JCAD: variants seen among roughly 807,000 people sequenced by gnomAD.
JCAD encodes the protein junctional cadherin 5 associated, also known as junctional cadherin 5-associated protein.
JCAD carries 40 observed loss-of-function variants against 98.0 expected under a neutral mutation model. That is an observed-to-expected ratio of 0.41 (90% CI 0.32 to 0.53). The LOEUF (loss-of-function observed/expected upper bound fraction) is 0.53. Ranked by LOEUF, JCAD falls within the 20% of genes least tolerant of loss-of-function variation. The pLI is 0.31. For missense variants in JCAD, 1,705 were observed against 1,738.1 expected (o/e 0.98, Z 0.34); for synonymous variants, 691 against 682.3 (o/e 1.01, Z -0.20).
chr10:30,028,255 G>C lies in JCAD; in HGVS notation c.1893C>G (p.Asp631Glu). The C allele has an allele frequency of 6.2e-7, 1 of 1,614,220 alleles. No individual in the cohort carries two copies. Among genetic ancestry groups the C allele is most frequent in the Non-Finnish European group, 8.5e-7 (1 of 1,180,052 alleles). Reference sequence around the variant, plus strand: ...TTCCTGTGAGGGCCTGCAGCTCCAGGTCGGTGGAAGACATGCTCAGCAGAC... The same window carrying C: ...TTCCTGTGAGGGCCTGCAGCTCCAGCTCGGTGGAAGACATGCTCAGCAGAC... ...EQSLLSMSST[D>E]LELQALTGSM... The change falls in exon 3 of 4, where the codon GAC becomes GAG. Residue 631 changes from aspartate (D) to glutamate (E), a missense_variant. Physicochemically the swap from Asp to Glu is conservative, Grantham distance 45. Around this residue, in one of 3 missense-constraint regions of JCAD, gnomAD observed 1,278 missense variants for 1,243.1 expected, o/e 1.03. Transcript: ENST00000375377.
rs199686924 is a variant in JCAD, at chr10:30,026,474, C to T, written c.3674G>A (p.Ser1225Asn). 7.2e-5 allele frequency: 116 copies of T among 1,614,252 alleles called. No individual in the cohort carries two copies. In the African/African-American group the frequency reaches 1.5e-3, roughly 21 times the overall value. The stretch of plus-strand genomic sequence containing the variant: ...AAGTCTCTTTTCAGAGCCTGCCACA[C>T]TTGGGGTTCTTTCTACAAAATGGAA... ...TLFHFVERTP[S>N]VAGSEKRLRS... Residue 1225 changes from serine (S) to asparagine (N), a missense_variant, in exon 3 of 4, where the codon AGT (serine) becomes AAT (asparagine). Ser to Asn is a conservative substitution (Grantham distance 46). This residue lies in a region of JCAD where 1,278 missense variants were observed against 1,243.1 expected (regional missense o/e 1.03). Coordinates refer to ENST00000375377, the MANE Select transcript of JCAD (RefSeq NM_020848.4).
intron 1 of JCAD, among the ~76,000 whole-genome samples, chr10:30,072,026 T>C (rs1217729667): frequency 6.6e-6 from 1 of 152,182 alleles, no homozygotes; most frequent in African/African-American, 2.4e-5. Context: ...GAACACTTTA[T>C]GGTATTTCAA....
intron 1 of JCAD, among the ~76,000 whole-genome samples, chr10:30,094,116 T>C (rs963108719): frequency 2.0e-5 from 3 of 152,320 alleles, no homozygotes; most frequent in Non-Finnish European, 4.4e-5. Flanking sequence ...CCTCCCTGCA[T>C]TGTCATTGCT....
chr10:30,079,008 C>T (rs1294547493), intron 1 of JCAD, among the ~76,000 whole-genome samples: 2 of 152,116 alleles, frequency 1.3e-5, no homozygotes, highest in Non-Finnish European at 2.9e-5. Context: ...CTCGAGTGCT[C>T]AGACTTTAGT....
intron 1 of JCAD, among the ~76,000 whole-genome samples, chr10:30,114,110 G>A (rs1351469936): frequency 1.3e-5 from 2 of 152,096 alleles, no homozygotes; most frequent in Admixed American, 6.6e-5. Flanking sequence ...TAAGATGATC[G>A]CAAAGTGGTT....
At chr10:30,076,029 C>CT (rs556331811) in intron 1 of JCAD, among the ~76,000 whole-genome samples, 158 of 145,538 alleles carry the variant, frequency 1.1e-3, no homozygotes, top group South Asian at 6.6e-3. Flanking sequence ...CAAACAGGGA[C>CT]TTTTTTTTTT....
At chr10:30,022,127 G>A (rs575009563) in intron 3 of JCAD, among the ~76,000 whole-genome samples, 3 of 152,266 alleles carry the variant, frequency 2.0e-5, no homozygotes, top group South Asian at 4.1e-4. Context: ...TCTGTGACCC[G>A]AACTCGTTTT....
chr10:30,101,050 C>T (rs1221530013), intron 1 of JCAD, among the ~76,000 whole-genome samples: 2 of 152,178 alleles, frequency 1.3e-5, no homozygotes, highest in Non-Finnish European at 2.9e-5. Flanking sequence ...TTTTATCATG[C>T]AGAGGAAGCC....
In JCAD at chr10:30,028,215, T is replaced by C. The variant is rs1298345056; in HGVS notation, c.1933A>G (p.Thr645Ala). 1.9e-6 allele frequency: 3 copies of C among 1,614,104 alleles called. No individual in the cohort carries two copies. The highest frequency in any genetic ancestry group is 1.7e-5 in the Admixed American group (1 of 60,014). The part of the protein sequence containing the change: ...QALTGSMGGR[T>A]EFQKQDLGEP... ...CCTAGATCTTGTTTTTGGAACTCCGTTCTCCCACCCATGCTTCCTGTGAGG... is the reference window on the plus strand; with the variant it reads ...CCTAGATCTTGTTTTTGGAACTCCGCTCTCCCACCCATGCTTCCTGTGAGG... The change falls in exon 3 of 4, where the codon ACG becomes GCG. Residue 645 changes from threonine (T) to alanine (A), a missense_variant. Transcript: ENST00000375377.
At chr10:30,059,913 AACAC>A (rs1389012381), upstream of JCAD, among the ~76,000 whole-genome samples, 1 of 152,080 alleles carries the variant, frequency 6.6e-6, no homozygotes, top group Non-Finnish European at 1.5e-5. This position sits in a 1 kb window ranked among gnomAD's most constrained non-coding sequence, Gnocchi z 5.0. Context: ...GATGCACACA[AACAC>A]ACTCACAGGA....
At chr10:30,025,068 A>C (rs1836760267) in intron 3 of JCAD, among the ~76,000 whole-genome samples, 1 of 152,170 alleles carries the variant, frequency 6.6e-6, no homozygotes, top group Non-Finnish European at 1.5e-5. Context: ...TCTGCTTCAA[A>C]ATTCTTGGGT....
chr10:30,103,889 G>A (rs976293425), intron 1 of JCAD, among the ~76,000 whole-genome samples: 5 of 152,064 alleles, frequency 3.3e-5, no homozygotes, highest in African/African-American at 7.2e-5. Flanking sequence ...GCACCATCAC[G>A]CTTGGCTAAT....
rs1245766938 is a variant in JCAD, at chr10:30,029,078, T to A, written c.1070A>T (p.Tyr357Phe). The change falls in exon 3 of 4, where the codon TAC (tyrosine) becomes TTC (phenylalanine). Residue 357 changes from tyrosine to phenylalanine, a missense_variant. Tyr to Phe is a conservative substitution (Grantham distance 22, BLOSUM62 3). Coordinates refer to ENST00000375377, the MANE Select transcript of JCAD (RefSeq NM_020848.4). Reference sequence around the variant, plus strand: ...ATTTATGGGCACCGTGTCTTCCAAGTAGGGGTTTGGGATGTTCTGCGGGGG... The same window carrying A: ...ATTTATGGGCACCGTGTCTTCCAAGAAGGGGTTTGGGATGTTCTGCGGGGG... ...RSPPQNIPNP[Y>F]LEDTVPINVC... 1 of 1,613,816 alleles carries A rather than the reference T, an allele frequency of 6.2e-7. No homozygotes were observed.
At chr10:30,108,417 CAGAGGGAT>C (rs1261455422) in intron 1 of JCAD, among the ~76,000 whole-genome samples, 1 of 152,002 alleles carries the variant, frequency 6.6e-6, no homozygotes, top group Non-Finnish European at 1.5e-5. Flanking sequence ...CTCAGAATTG[CAGAGGGAT>C]AGGCATCCAC....
intron 1 of JCAD, among the ~76,000 whole-genome samples, chr10:30,077,280 TG>T (rs1436896439): frequency 1.3e-5 from 2 of 152,156 alleles, no homozygotes; most frequent in African/African-American, 4.8e-5. Context: ...TATCCTTTTT[TG>T]TTGTTTGTTT....
At chr10:30,083,061 C>CA (rs890384101) in intron 1 of JCAD, among the ~76,000 whole-genome samples, 6 of 150,262 alleles carry the variant, frequency 4.0e-5, no homozygotes, top group Non-Finnish European at 7.4e-5. Context: ...AAAACAGAAA[C>CA]AAAAAAAAGA....
At chr10:30,073,183 T>G (rs910023691) in intron 1 of JCAD, among the ~76,000 whole-genome samples, 3 of 152,200 alleles carry the variant, frequency 2.0e-5, no homozygotes, top group Non-Finnish European at 4.4e-5. Flanking sequence ...TACGTAGGCT[T>G]TGGGGTCAGA....
chr10:30,113,152 T>C (rs1188645945), intron 1 of JCAD, among the ~76,000 whole-genome samples: 2 of 152,168 alleles, frequency 1.3e-5, no homozygotes, highest in East Asian at 1.9e-4. Flanking sequence ...AAGGTGGTCA[T>C]GGGGTTCTCT....
chr10:30,051,307 C>CA (rs1554798264), intron 1 of JCAD, among the ~76,000 whole-genome samples: 1 of 151,450 alleles, frequency 6.6e-6, no homozygotes, highest in African/African-American at 2.4e-5. Context: ...CACACACACA[C>CA]AAGAGTTGAT....
Sources: gnomAD v4.1 joint callset for allele counts (sites outside exome capture counted in the v4.1 genomes callset) on GRCh38, gnomAD v4.1.1 for gene constraint, gnomAD v4.1.1 regional missense constraint, Gnocchi (gnomAD v3.1) non-coding constraint, MANE v1.5 for transcripts, NCBI Gene and HGNC (gene_info 2026-07-23, HGNC 2026-07-21) for gene names.